The following ZC3H12C variants were observed in gnomAD, a reference collection of about 807,000 sequenced individuals.
The protein encoded by ZC3H12C is probable ribonuclease ZC3H12C.
A neutral mutation model predicts 76.3 loss-of-function variants in ZC3H12C; 20 were observed. That is an observed-to-expected ratio of 0.26 (90% confidence interval 0.18 to 0.38). The LOEUF (loss-of-function observed/expected upper bound fraction) is 0.38, where lower values mean the gene tolerates loss of function less well. Ranked by LOEUF, ZC3H12C falls within the 10% of genes least tolerant of loss-of-function variation. The probability of loss-of-function intolerance (pLI) is 1.00; values close to 1 mark genes in which losing one functional copy is unlikely to be tolerated. For synonymous variants in ZC3H12C, 352 were observed against 399.6 expected (o/e 0.88, Z 1.42); for missense variants, 874 against 1,086.5 (o/e 0.80, Z 2.75).
In ZC3H12C at chr11:110,169,232, T is replaced by G. The variant is rs1862632217; in HGVS notation, c.*3495T>G. 6.6e-6 allele frequency: 1 copy of G among 152,042 alleles called. No homozygotes were observed. Among genetic ancestry groups the G allele is most frequent in the Non-Finnish European group, 1.5e-5 (1 of 68,004 alleles). The allele number at this position is 152,042 out of a possible 1,614,324, so 9.4% of individuals were successfully genotyped here. A position where few individuals can be genotyped will look rare whatever the true frequency, so the allele number is the denominator to read the frequency against. On this transcript the variant is annotated 3_prime_UTR_variant, in exon 6 of 6. Coordinates refer to ENST00000278590, the MANE Select transcript of ZC3H12C (RefSeq NM_033390.2). ...ATTATACAAATAATTATTTAACATG[T>G]CTTATGGATGTATCTATATGTATAT...
intron 1 of ZC3H12C, chr11:110,123,977 A>G (rs1266242761): frequency 6.6e-6 from 1 of 152,356 alleles, no homozygotes; most frequent in Non-Finnish European, 1.5e-5. Context: ...GCTGGAGGGC[A>G]AAGCACCCAA....
At chr11:110,100,205 T>C (rs1861186737) in intron 1 of ZC3H12C, among the ~76,000 whole-genome samples, 1 of 121,766 alleles carries the variant, frequency 8.2e-6, no homozygotes, top group Non-Finnish European at 1.6e-5. Context: ...TTAAAAGCTA[T>C]ATGGTACTTT....
intron 1 of ZC3H12C, chr11:110,135,754 G>C (rs1449407422): frequency 6.6e-6 from 1 of 151,030 alleles, no homozygotes; most frequent in Non-Finnish European, 1.5e-5. Context: ...TAATACAGGA[G>C]GATTTTCTGC....
chr11:110,156,218 C>G (rs895959466), intron 3 of ZC3H12C, among the ~76,000 whole-genome samples: 1 of 128,594 alleles, frequency 7.8e-6, no homozygotes, highest in Non-Finnish European at 1.7e-5. Context: ...AAACCCTGAA[C>G]CAGATAATAC....
chr11:110,116,221 ATGTTCCTTACCAAT>A (rs1489188504), intron 1 of ZC3H12C, among the ~76,000 whole-genome samples: 25 of 152,324 alleles, frequency 1.6e-4, no homozygotes, highest in African/African-American at 5.8e-4. Context: ...TCTTACACTT[ATGTTCCTTACCAAT>A]TTCTAACATT....
rs757034841 is a variant in ZC3H12C, at chr11:110,159,315, C to T, written c.973C>T (p.Arg325Ter). 1.2e-6 allele frequency: 2 copies of T among 1,613,822 alleles called. No individual in the cohort carries two copies. The change falls in exon 4 of 6, where the codon CGA becomes TGA. Residue 325 changes from arginine to a stop codon, truncating the protein, a stop_gained. Transcript: ENST00000278590. LOFTEE classifies it high-confidence loss of function. ...EKILVFTPSR[R>*]VQGRRVVCYD... The stretch of plus-strand genomic sequence containing the variant: ...AATCCTGGTGTTCACGCCATCCCGG[C>T]GAGTCCAGGGGAGGAGAGTGGTGTG...
intron 1 of ZC3H12C, chr11:110,131,216 A>G: frequency 3.5e-6 from 3 of 852,944 alleles, no homozygotes; most frequent in Middle Eastern, 2.2e-4. Context: ...TCTACAAATT[A>G]TTACATAGTG....
chr11:110,141,512 T>C (rs1862067413), intron 2 of ZC3H12C, among the ~76,000 whole-genome samples: 1 of 152,194 alleles, frequency 6.6e-6, no homozygotes, highest in African/African-American at 2.4e-5. Context: ...AATTGTTTGG[T>C]TGGTTTTGCT....
intron 1 of ZC3H12C, among the ~76,000 whole-genome samples, chr11:110,100,005 C>G (rs1359363871): frequency 8.5e-6 from 1 of 118,020 alleles, no homozygotes; most frequent in African/African-American, 3.4e-5. Flanking sequence ...GAAAATACTA[C>G]CTATAGATTA....
Position 110,166,822 on chromosome 11 carries a change from G to GA in ZC3H12C, c.*1086dup, listed in dbSNP as rs1288630756. 2.9e-4 allele frequency: 44 copies of GA among 152,268 alleles called. No homozygotes were observed. The highest frequency in any genetic ancestry group is 1.0e-3 in the African/African-American group (43 of 41,550). The allele number at this position is 152,268 out of a possible 1,614,324, so 9.4% of individuals were successfully genotyped here. A position where few individuals can be genotyped will look rare whatever the true frequency, so the allele number is the denominator to read the frequency against. On this transcript the variant is annotated 3_prime_UTR_variant, in exon 6 of 6. Coordinates refer to ENST00000278590, the MANE Select transcript of ZC3H12C (RefSeq NM_033390.2). ...CAACATTTCTTGATACTGCACTATA[G>GA]AGAAATGGTGATGGAGGAGTTGTAA...
chr11:110,159,576 C>T, intron 4 of ZC3H12C, 86 bp downstream of exon 4: 2 of 1,178,028 alleles, frequency 1.7e-6, no homozygotes, highest in Non-Finnish European at 2.4e-6. Flanking sequence ...TCTCTTTTTG[C>T]CACTGTCCAG....
chr11:110,115,748 C>CTTTTTTTTTTTTTTTTT (rs71476067), intron 1 of ZC3H12C, among the ~76,000 whole-genome samples: 1 of 120,320 alleles, frequency 8.3e-6, no homozygotes, highest in Non-Finnish European at 1.7e-5. Context: ...TTCTCATTTT[C>CTTTTTTTTTTTTTTTTT]TTTTTTTTTT....
chr11:110,165,074 ACACATGCACCCT>A lies in ZC3H12C; in HGVS notation c.1994_2005del (p.Met665_His668del), dbSNP rs1406602360. ...AGCTAGAGGAGAATTTGAAGTGTCA[ACACATGCACCCT>A]CACAGCCGCCTTAATCCTCAACCGT... On this transcript the variant is annotated inframe_deletion, in exon 6 of 6. Transcript: ENST00000278590. 1 of 1,613,770 alleles carries A rather than the reference ACACATGCACCCT, an allele frequency of 6.2e-7. No individual in the cohort carries two copies. The highest frequency in any genetic ancestry group is 1.7e-5 in the Admixed American group (1 of 60,024).
intron 1 of ZC3H12C, among the ~76,000 whole-genome samples, chr11:110,132,587 A>G (rs1380464813): frequency 6.6e-6 from 1 of 152,118 alleles, no homozygotes; most frequent in Non-Finnish European, 1.5e-5. Flanking sequence ...ATCACTATAT[A>G]TTTGCCCAGT....
chr11:110,101,901 A>T (rs887362682), intron 1 of ZC3H12C, among the ~76,000 whole-genome samples: 43 of 152,060 alleles, frequency 2.8e-4, no homozygotes, highest in African/African-American at 1.0e-3. Context: ...TGGAACAACA[A>T]AGCTTGGATC....
chr11:110,131,311 A>ATAAT, intron 1 of ZC3H12C: 1 of 565,076 alleles, frequency 1.8e-6, no homozygotes, highest in East Asian at 2.9e-5. Context: ...AGTTATATAA[A>ATAAT]TAATTACTTA....
intron 1 of ZC3H12C, among the ~76,000 whole-genome samples, chr11:110,121,926 C>CT (rs1232885720): frequency 1.3e-5 from 2 of 152,076 alleles, no homozygotes. Flanking sequence ...TTTACACACT[C>CT]TTATGGACTC....
rs1175153437 is a variant in ZC3H12C, at chr11:110,106,267, C to CA, written c.21+12843dup. ...TGGGCGACAGAGCGAGACTCCGTCT[C>CA]AAAAAAAATAAATAAATAAATAAAT... On this transcript the variant is annotated intron_variant, in intron 1 of 5. Coordinates refer to ENST00000278590, the MANE Select transcript of ZC3H12C (RefSeq NM_033390.2). Among the ~76,000 whole-genome samples the CA allele has an allele frequency of 1.4e-4, 2 of 13,904 alleles. 1 individual carries two copies. Among genetic ancestry groups the CA allele is most frequent in the Non-Finnish European group, 3.2e-4 (2 of 6,308 alleles). The allele number at this position is 13,904 out of a possible 152,430, so 9.1% of individuals were successfully genotyped here.
chr11:110,101,047 C>T (rs1489932170), intron 1 of ZC3H12C, among the ~76,000 whole-genome samples: 4 of 152,146 alleles, frequency 2.6e-5, no homozygotes, highest in Non-Finnish European at 5.9e-5. Flanking sequence ...GGGAAACAGC[C>T]TTATTGTTGA....
Sources: allele counts gnomAD v4.1 joint callset (sites outside exome capture counted in the v4.1 genomes callset), GRCh38; gene constraint gnomAD v4.1.1; transcripts MANE v1.5; gene names NCBI Gene and HGNC (gene_info 2026-07-23, HGNC 2026-07-21).